KATNAL2: variants seen among roughly 807,000 people sequenced by gnomAD.
KATNAL2 encodes the protein katanin catalytic subunit A1 like 2.
KATNAL2 carries 52 observed loss-of-function variants against 76.3 expected under a neutral mutation model. The observed-to-expected ratio is 0.68, with a 90% CI of 0.55 to 0.86. KATNAL2 has a LOEUF of 0.86. Ranked by LOEUF, KATNAL2 falls within the 40% of genes least tolerant of loss-of-function variation. The pLI is 0.00. For synonymous variants in KATNAL2, 243 were observed against 244.2 expected, an observed-to-expected ratio of 1.00 and a Z score of 0.05; for missense variants, 660 against 668.9, an observed-to-expected ratio of 0.99 and a Z score of 0.15.
Position 46,928,047 on chromosome 18 carries a change from G to A in KATNAL2, c.-510+10121G>A, listed in dbSNP as rs568274944. Among the ~76,000 whole-genome samples, 263 of 152,220 alleles carry A rather than the reference G, an allele frequency of 1.7e-3. 1 individual carries two copies. The highest frequency in any genetic ancestry group is 3.5e-3 in the South Asian group (17 of 4,826). ...TGGTTCGAATTTCCTCCTGTAGCTC[G>A]GAGTAGTTTGATCGTCTGAAGCCTT... is the stretch of plus-strand genomic sequence containing the variant. On this transcript the variant is annotated intron_variant, in intron 1 of 17. Coordinates refer to ENST00000683218, the MANE Select transcript of KATNAL2 (RefSeq NM_001387690.1).
chr18:47,092,106 T>C (rs756764659), intron 15 of KATNAL2, among the ~76,000 whole-genome samples: 11 of 152,168 alleles, frequency 7.2e-5, no homozygotes, highest in Non-Finnish European at 1.5e-4. Context: ...TTTCTGTATA[T>C]TGGAGGCATA....
At chr18:47,033,265 G>T in intron 3 of KATNAL2, 1 of 1,613,540 alleles carries the variant, frequency 6.2e-7, no homozygotes, top group African/African-American at 1.3e-5. Flanking sequence ...CCCATTTTCG[G>T]GGTCAGCGTC....
At chr18:47,049,562 G>A (rs2061275958) in intron 4 of KATNAL2, among the ~76,000 whole-genome samples, 2 of 152,196 alleles carry the variant, frequency 1.3e-5, no homozygotes, top group Non-Finnish European at 2.9e-5. Context: ...GGTCAGGTAA[G>A]CTTGGCAGAT....
At chr18:47,095,391 T>G (rs1455434568) in intron 15 of KATNAL2, among the ~76,000 whole-genome samples, 1 of 152,020 alleles carries the variant, frequency 6.6e-6, no homozygotes, top group Non-Finnish European at 1.5e-5. Flanking sequence ...ATAGGGGTGG[T>G]TTCCCCCATG....
At chr18:47,035,041 T>G (rs753929897) in intron 3 of KATNAL2, 1 of 1,611,852 alleles carries the variant, frequency 6.2e-7, no homozygotes, top group South Asian at 1.1e-5. Context: ...GAGCACCAGC[T>G]TCTTCCACCG....
chr18:47,034,972 C>G lies in KATNAL2; in HGVS notation c.52-11485C>G, dbSNP rs1555847077. On this transcript the variant is annotated intron_variant, in intron 3 of 17. Coordinates refer to ENST00000683218, the MANE Select transcript of KATNAL2 (RefSeq NM_001387690.1). ...CTGGTCCTGAAGAGCCTCCCCGAAG[C>G]GCTGTCGGGAAGCGCTCTCCTCAGG... The G allele has an allele frequency of 1.2e-6, 2 of 1,611,666 alleles. No homozygotes were observed. The highest frequency in any genetic ancestry group is 1.7e-6 in the Non-Finnish European group (2 of 1,179,618).
intron 3 of KATNAL2, among the ~76,000 whole-genome samples, chr18:46,961,086 T>C (rs1035416115): frequency 7.2e-5 from 11 of 152,278 alleles, no homozygotes; most frequent in African/African-American, 2.7e-4. Context: ...AGTTTTGCAA[T>C]GCTTCCTCAT....
At chr18:46,943,377 T>C (rs2059300317) in intron 1 of KATNAL2, among the ~76,000 whole-genome samples, 1 of 152,098 alleles carries the variant, frequency 6.6e-6, no homozygotes, top group Non-Finnish European at 1.5e-5. Context: ...CAGGATGAGA[T>C]AGGAGGTCAG....
chr18:47,053,790 C>T (rs1381920004), intron 5 of KATNAL2, among the ~76,000 whole-genome samples: 1 of 152,190 alleles, frequency 6.6e-6, no homozygotes, highest in Non-Finnish European at 1.5e-5. Flanking sequence ...GGTATTTTAT[C>T]TGAGCTCCCT....
intron 3 of KATNAL2, chr18:47,035,244 C>G (rs369463598): frequency 1.2e-5 from 19 of 1,612,802 alleles, no homozygotes; most frequent in Non-Finnish European, 1.5e-5. Context: ...CTGCGTGCAG[C>G]GTAGTGGACC....
chr18:47,098,260 T>C, intron 15 of KATNAL2: 1 of 389,046 alleles, frequency 2.6e-6, no homozygotes, highest in Non-Finnish European at 5.0e-6. Flanking sequence ...TTCATGCTGC[T>C]GGTGAAGACA....
intron 3 of KATNAL2, chr18:47,035,127 C>A (rs745382161): frequency 1.2e-6 from 2 of 1,611,652 alleles, no homozygotes; most frequent in South Asian, 2.2e-5. Context: ...TGATTCCAGT[C>A]TCCGCCAGGA....
intron 1 of KATNAL2, chr18:46,920,027 G>A (rs1327967592): frequency 7.0e-6 from 9 of 1,283,502 alleles, no homozygotes; most frequent in Non-Finnish European, 7.1e-6. Flanking sequence ...AAAACAGTAA[G>A]AAAAGAAAAG....
At chr18:46,923,880 G>C (rs1288110156) in intron 1 of KATNAL2, among the ~76,000 whole-genome samples, 1 of 152,162 alleles carries the variant, frequency 6.6e-6, no homozygotes, top group Admixed American at 6.5e-5. Flanking sequence ...CTTCTTTTGA[G>C]ACGTGTCTGT....
intron 3 of KATNAL2, among the ~76,000 whole-genome samples, chr18:46,954,505 AT>A (rs778660446): frequency 6.7e-6 from 1 of 150,156 alleles, no homozygotes; most frequent in Non-Finnish European, 1.5e-5. Flanking sequence ...TAATTTTTCT[AT>A]TTTTAGTACA....
chr18:47,063,200 T>C (rs1599720386), intron 9 of KATNAL2, 84 bp from the exon 10 acceptor site: 2 of 1,481,714 alleles, frequency 1.3e-6, no homozygotes, highest in South Asian at 2.3e-5. Context: ...ATCGTTTGTT[T>C]CACCAAGACC....
At chr18:46,957,399 C>T (rs1463487236) in intron 3 of KATNAL2, among the ~76,000 whole-genome samples, 45 of 151,024 alleles carry the variant, frequency 3.0e-4, no homozygotes, top group African/African-American at 2.7e-4. Flanking sequence ...GGACTACAGG[C>T]GCCCGCCACC....
intron 15 of KATNAL2, among the ~76,000 whole-genome samples, chr18:47,096,413 C>T (rs1457306571): frequency 6.6e-6 from 1 of 152,000 alleles, no homozygotes; most frequent in Non-Finnish European, 1.5e-5. Context: ...ATGATCTCGG[C>T]TCACTACAAC....
intron 1 of KATNAL2, among the ~76,000 whole-genome samples, chr18:46,933,982 AT>A (rs1287911050): frequency 2.1e-5 from 3 of 141,086 alleles, no homozygotes; most frequent in African/African-American, 7.8e-5. Flanking sequence ...TGAACTCATC[AT>A]TTTTTATGGC....
Sources: gnomAD v4.1 joint callset for allele counts (sites outside exome capture counted in the v4.1 genomes callset) on GRCh38, gnomAD v4.1.1 for gene constraint, MANE v1.5 for transcripts, NCBI Gene and HGNC (gene_info 2026-07-23, HGNC 2026-07-21) for gene names.